Variants in TRIO observed in about 807,000 individuals in gnomAD.
TRIO encodes trio Rho guanine nucleotide exchange factor, also known as triple functional domain protein.
In TRIO, 58 loss-of-function variants were observed where a neutral mutation model predicts 351.9. That is an observed-to-expected ratio of 0.16 (90% CI 0.13 to 0.21). TRIO has a LOEUF of 0.21. Among genes scored for constraint, TRIO ranks in the 10% least tolerant of loss-of-function variants. The pLI, the probability that TRIO is intolerant of heterozygous loss-of-function variation, is 1.00. For missense variants in TRIO, 3,201 were observed against 4,027.8 expected (o/e 0.79, Z 5.56); for synonymous variants, 1,758 against 1,595.7 (o/e 1.10, Z -2.42).
intron 1 of TRIO, among the ~76,000 whole-genome samples, chr5:14,237,205 CCT>C (rs1793829173): frequency 6.6e-6 from 1 of 152,160 alleles, no homozygotes. Context: ...GCAAATACTC[CCT>C]GTTGAGTATC....
intron 46 of TRIO, 31 bp downstream of exon 46, chr5:14,482,804 G>T: frequency 1.3e-6 from 2 of 1,491,590 alleles, no homozygotes; most frequent in Non-Finnish European, 1.8e-6. Flanking sequence ...ATTTCTCTGT[G>T]CCAGCGCATG....
intron 9 of TRIO, among the ~76,000 whole-genome samples, chr5:14,321,824 G>A (rs1440602589): frequency 6.6e-5 from 10 of 152,152 alleles, no homozygotes; most frequent in Non-Finnish European, 1.3e-4. Flanking sequence ...TCTCGTGATA[G>A]TGAATAAGTC....
intron 12 of TRIO, 92 bp downstream of exon 12, chr5:14,358,439 C>T: frequency 6.8e-7 from 1 of 1,471,118 alleles, no homozygotes; most frequent in Admixed American, 1.9e-5. Flanking sequence ...GTCAGCTCTG[C>T]TTCTCTGTCC....
chr5:14,488,823 A>C (rs1756249377), intron 48 of TRIO: 1 of 662,880 alleles, frequency 1.5e-6, no homozygotes, highest in Non-Finnish European at 2.7e-6. Context: ...GCTTTACGTC[A>C]CCGTGTTGCT....
intron 1 of TRIO, among the ~76,000 whole-genome samples, chr5:14,197,968 C>G (rs1370488641): frequency 1.3e-5 from 2 of 152,176 alleles, no homozygotes; most frequent in African/African-American, 4.8e-5. Flanking sequence ...AGACACTATT[C>G]TCTAAGTCTA....
intron 49 of TRIO, among the ~76,000 whole-genome samples, chr5:14,495,186 G>A (rs1238675706): frequency 6.6e-6 from 1 of 152,164 alleles, no homozygotes; most frequent in Non-Finnish European, 1.5e-5. Context: ...AAGAAAAATA[G>A]GATCAGAAAT....
chr5:14,505,527 T>C (rs1353644241), intron 55 of TRIO, among the ~76,000 whole-genome samples: 7 of 152,184 alleles, frequency 4.6e-5, no homozygotes, highest in Admixed American at 4.6e-4. Context: ...GGCGCCCCCA[T>C]GGGGTCATGT....
Position 14,504,484 on chromosome 5 carries a change from G to C in TRIO, c.8503G>C (p.Asp2835His), listed in dbSNP as rs768614002. The C allele has an allele frequency of 1.2e-6, 2 of 1,614,078 alleles. No homozygotes were observed. Among genetic ancestry groups the C allele is most frequent in the Admixed American group, 1.7e-5 (1 of 60,016 alleles). The change falls in exon 55 of 57, where the codon GAC becomes CAC. Residue 2835 changes from aspartate (D) to histidine (H), a missense_variant. Coordinates refer to ENST00000344204, the MANE Select transcript of TRIO (RefSeq NM_007118.4). ...TGTGAACAAGAAGTTGATGAAGCGC[G>C]ACCAGGTCACCCATGAGCTTGGCAT... ...KFVNKKLMKR[D>H]QVTHELGILQ...
At chr5:14,157,525 C>A (rs1788181782) in intron 1 of TRIO, among the ~76,000 whole-genome samples, 1 of 149,430 alleles carries the variant, frequency 6.7e-6, no homozygotes, top group Non-Finnish European at 1.5e-5. Context: ...CTCTCTCTCC[C>A]TGTCTCCCTC....
At chr5:14,216,115 A>T (rs1792205156) in intron 1 of TRIO, among the ~76,000 whole-genome samples, 1 of 152,234 alleles carries the variant, frequency 6.6e-6, no homozygotes, top group African/African-American at 2.4e-5. Flanking sequence ...GCAAGAGCTT[A>T]ACAAGGGTTG....
At chr5:14,364,307 A>G (rs918339926) in intron 14 of TRIO, among the ~76,000 whole-genome samples, 1 of 152,254 alleles carries the variant, frequency 6.6e-6, no homozygotes, top group African/African-American at 2.4e-5. Context: ...AACAACCTGC[A>G]TACTGCATTA....
At chr5:14,401,095 T>C in intron 31 of TRIO, 31 bp downstream of exon 31, 2 of 1,567,140 alleles carry the variant, frequency 1.3e-6, no homozygotes, top group Non-Finnish European at 1.8e-6. Flanking sequence ...GAATGTGCTG[T>C]TTGAAACATT....
At chr5:14,381,456 C>G (rs1746097493) in intron 21 of TRIO, among the ~76,000 whole-genome samples, 1 of 152,192 alleles carries the variant, frequency 6.6e-6, no homozygotes, top group South Asian at 2.1e-4. Context: ...CTTTGTCCCT[C>G]TGATGTCTGT....
Position 14,474,174 on chromosome 5 carries a change from G to A in TRIO, c.6083+77G>A, listed in dbSNP as rs11749307. The stretch of plus-strand genomic sequence containing the variant: ...AAACCAAGGCAGGCCAGGCCAAAGG[G>A]AATTTATTCTGTTCATCGTATTACC... On this transcript the variant is annotated intron_variant, in intron 40 of 56. Transcript: ENST00000344204. 165,168 of 1,398,910 alleles carry A rather than the reference G, an allele frequency of 0.12. 11,329 individuals are homozygous for A. The highest frequency in any genetic ancestry group is 0.14 in the Non-Finnish European group (138,228 of 995,258). The allele number at this position is 1,398,910 out of a possible 1,614,324, so 86.7% of individuals were successfully genotyped here.
intron 11 of TRIO, among the ~76,000 whole-genome samples, chr5:14,341,959 C>T (rs1741975215): frequency 1.3e-5 from 2 of 152,212 alleles, no homozygotes; most frequent in South Asian, 4.1e-4. Flanking sequence ...AAAGAGGAAC[C>T]TTTCATTTTA....
intron 32 of TRIO, 96 bp from the exon 33 acceptor site, chr5:14,406,477 G>C (rs1748728037): frequency 8.3e-7 from 1 of 1,199,468 alleles, no homozygotes. Context: ...AGGCACTCAC[G>C]AAGGCTGATA....
rs77286143 is a variant in TRIO at position 14,460,767 on chromosome 5, G to A, written c.5204-252G>A. On this transcript the variant is annotated intron_variant, in intron 34 of 56. Transcript: ENST00000344204. Reference sequence around the variant, plus strand: ...AACGATGCTGGTCTTCAGGATTGGTGACATGGGTGATTTTGGAGAGGACAG... The same window carrying A: ...AACGATGCTGGTCTTCAGGATTGGTAACATGGGTGATTTTGGAGAGGACAG... Among the ~76,000 whole-genome samples the A allele has an allele frequency of 0.016, 2,499 of 152,306 alleles. 58 individuals are homozygous for A. Among genetic ancestry groups the A allele is most frequent in the African/African-American group, 0.058 (2,398 of 41,554 alleles).
In TRIO at chr5:14,156,947, A is replaced by G. The variant is rs115605676; in HGVS notation, c.157+13065A>G. Among the ~76,000 whole-genome samples, 614 of 152,334 alleles carry G rather than the reference A, an allele frequency of 4.0e-3. 7 individuals carry two copies. The highest frequency in any genetic ancestry group is 0.014 in the African/African-American group (577 of 41,580). On this transcript the variant is annotated intron_variant, in intron 1 of 56. Transcript: ENST00000344204. ...GTCGCCAGAGAAGAAAGGGAGATTAATTTCATACAGTTTATAAAAAGGACA... is the reference window on the plus strand; with the variant it reads ...GTCGCCAGAGAAGAAAGGGAGATTAGTTTCATACAGTTTATAAAAAGGACA...
chr5:14,447,623 A>G (rs1225268958), intron 34 of TRIO, among the ~76,000 whole-genome samples: 2 of 152,234 alleles, frequency 1.3e-5, no homozygotes, highest in East Asian at 3.8e-4. Context: ...ATCTGCGTAT[A>G]GCCCCCTGCC....
Sources: gnomAD v4.1 joint callset for allele counts (sites outside exome capture counted in the v4.1 genomes callset) on GRCh38, gnomAD v4.1.1 for gene constraint, MANE v1.5 for transcripts, NCBI Gene and HGNC (gene_info 2026-07-23, HGNC 2026-07-21) for gene names.